The following AADACL3 variants were observed in gnomAD, a reference collection of about 807,000 sequenced individuals.
AADACL3 encodes the protein arylacetamide deacetylase like 3, also known as arylacetamide deacetylase-like 3.
AADACL3 carries 13 observed loss-of-function variants against 13.6 expected under a neutral mutation model. The observed-to-expected ratio is 0.95, with a 90% CI of 0.62 to 1.52. AADACL3 has a LOEUF of 1.52. Among genes scored for constraint, AADACL3 ranks in the 40% most tolerant of loss-of-function variants. AADACL3 has a pLI of 0.00. For synonymous variants in AADACL3, 195 were observed against 197.0 expected, an observed-to-expected ratio of 0.99 and a Z score of 0.08; for missense variants, 519 against 499.2, an observed-to-expected ratio of 1.04 and a Z score of -0.38.
rs781004606 is a variant in AADACL3 at position 12,725,274 on chromosome 1, G to T, written c.502G>T (p.Val168Leu). ...TCCAGTGCCAGTAAGAGACTGCTTG[G>T]TGGCCACCATCCACTTCCTGAAGTC... Reference protein sequence around the residue: ...KFPVPVRDCLVATIHFLKSLD... With the variant: ...KFPVPVRDCLLATIHFLKSLD... The change falls in exon 4 of 4, where the codon GTG becomes TTG. Residue 168 changes from valine to leucine, a missense_variant. Val to Leu is a conservative substitution (Grantham distance 32). Transcript: ENST00000359318. The T allele has an allele frequency of 5.0e-6, 8 of 1,613,488 alleles. No homozygotes were observed. In the African/African-American group the frequency reaches 5.3e-5, roughly 11 times the overall value.
chr1:12,716,610 T>C (rs1451812665), intron 1 of AADACL3, among the ~76,000 whole-genome samples: 1 of 152,230 alleles, frequency 6.6e-6, no homozygotes, highest in Non-Finnish European at 1.5e-5. Flanking sequence ...ACCAGTCTGG[T>C]TCTATTCACC....
At chr1:12,719,092 G>A (rs543277288) in intron 1 of AADACL3, among the ~76,000 whole-genome samples, 3 of 152,328 alleles carry the variant, frequency 2.0e-5, no homozygotes, top group African/African-American at 7.2e-5. Flanking sequence ...GATTGGCTGG[G>A]ACGGCACAGG....
At chr1:12,716,550 T>C (rs1031843066) in intron 1 of AADACL3, among the ~76,000 whole-genome samples, 1 of 152,198 alleles carries the variant, frequency 6.6e-6, no homozygotes, top group African/African-American at 2.4e-5. Flanking sequence ...CTGGCTAATA[T>C]TCACAAAATT....
chr1:12,723,844 C>T (rs868320088), intron 3 of AADACL3, among the ~76,000 whole-genome samples: 16 of 144,372 alleles, frequency 1.1e-4, no homozygotes, highest in Middle Eastern at 7.8e-3. Context: ...AGTGCAAGAG[C>T]GCGATCTCGG....
At chr1:12,724,482 C>A (rs541434897) in intron 3 of AADACL3, among the ~76,000 whole-genome samples, 2 of 152,010 alleles carry the variant, frequency 1.3e-5, no homozygotes, top group African/African-American at 4.8e-5. Context: ...TATTTGAGAC[C>A]CTGCTTTTTT....
chr1:12,725,522 C>A lies in AADACL3; in HGVS notation c.750C>A (p.Cys250Ter). The change falls in exon 4 of 4, where the codon TGC becomes TGA. Residue 250 changes from cysteine to a stop codon, truncating the protein, a stop_gained. Transcript: ENST00000359318. LOFTEE classifies it low-confidence loss of function (END_TRUNC). ...CACTGCTCACCTGGAGTTTCATCTG[C>A]TACTTTTTTTTTCAAAACCTGGATT... The part of the protein sequence containing the change: ...NIPLLTWSFI[C>*]YFFFQNLDFS... The A allele has an allele frequency of 1.9e-6, 3 of 1,614,160 alleles. No individual in the cohort carries two copies. The highest frequency in any genetic ancestry group is 2.2e-5 in the South Asian group (2 of 91,080).
chr1:12,723,972 C>A (rs369187099), intron 3 of AADACL3, among the ~76,000 whole-genome samples: 1 of 151,100 alleles, frequency 6.6e-6, no homozygotes, highest in Admixed American at 6.6e-5. Context: ...TTAGTAGAGA[C>A]GGGGTTTCTC....
In AADACL3 at chr1:12,726,158, C is replaced by G; in HGVS notation, c.*162C>G. Reference sequence around the variant, plus strand: ...AGGTTCTAGAACCACACAATGCATGCTCCTGATGTCCAGAGGACGTGGTAG... The same window carrying G: ...AGGTTCTAGAACCACACAATGCATGGTCCTGATGTCCAGAGGACGTGGTAG... On this transcript the variant is annotated 3_prime_UTR_variant, in exon 4 of 4. Coordinates refer to ENST00000359318, the MANE Select transcript of AADACL3 (RefSeq NM_001103170.3). 1.4e-6 allele frequency: 1 copy of G among 724,994 alleles called. No homozygotes were observed. The allele number at this position is 724,994 out of a possible 1,614,324, so 44.9% of individuals were successfully genotyped here. A position where few individuals can be genotyped will look rare whatever the true frequency, so the allele number is the denominator to read the frequency against.
intron 3 of AADACL3, among the ~76,000 whole-genome samples, chr1:12,723,470 T>G (rs963146801): frequency 6.6e-6 from 1 of 152,120 alleles, no homozygotes; most frequent in South Asian, 2.1e-4. Context: ...ATGATTATTG[T>G]AAACTTTATG....
At chr1:12,719,402 G>C (rs941571131) in intron 1 of AADACL3, 73 bp from the exon 2 acceptor site, 1 of 1,444,654 alleles carries the variant, frequency 6.9e-7, no homozygotes, top group African/African-American at 1.4e-5. Context: ...TGGAGGGCAG[G>C]TTGTGAAGGC....
chr1:12,719,661 C>T lies in AADACL3; in HGVS notation c.355C>T (p.His119Tyr). ...CCTGAAGCCTGGCATCGTGTACTACCACGGTGGCGGGGGCGTCATGGGGAG... is the reference window on the plus strand; with the variant it reads ...CCTGAAGCCTGGCATCGTGTACTACTACGGTGGCGGGGGCGTCATGGGGAG... ...CTLKPGIVYY[H>Y]GGGGVMGSLK... The change falls in exon 2 of 4, where the codon CAC (histidine) becomes TAC (tyrosine). Residue 119 changes from histidine to tyrosine, a missense_variant. Coordinates refer to ENST00000359318, the MANE Select transcript of AADACL3 (RefSeq NM_001103170.3). 1 of 1,614,128 alleles carries T rather than the reference C, an allele frequency of 6.2e-7. No homozygotes were observed. The highest frequency in any genetic ancestry group is 8.5e-7 in the Non-Finnish European group (1 of 1,180,010).
chr1:12,718,672 T>G (rs1344784620), intron 1 of AADACL3, among the ~76,000 whole-genome samples: 2 of 152,158 alleles, frequency 1.3e-5, no homozygotes, highest in African/African-American at 4.8e-5. Context: ...GGCTAATTTT[T>G]GTATTTTCAG....
In AADACL3 at chr1:12,720,951, G is replaced by A. The variant is rs369765539; in HGVS notation, c.449+5G>A. The A allele has an allele frequency of 3.7e-6, 6 of 1,604,934 alleles. No individual in the cohort carries two copies. In the African/African-American group the frequency reaches 4.0e-5, roughly 11 times the overall value. ...CTCCGTGGTTCTGGCAGTTGGGTGA[G>A]TAAAGGGGAGATCCCAGGGAGCCAG... On this transcript the variant is annotated splice_donor_5th_base_variant and intron_variant, in intron 3 of 3. Coordinates refer to ENST00000359318, the MANE Select transcript of AADACL3 (RefSeq NM_001103170.3).
At chr1:12,719,999 A>G (rs1648533608) in intron 2 of AADACL3, among the ~76,000 whole-genome samples, 1 of 152,250 alleles carries the variant, frequency 6.6e-6, no homozygotes, top group South Asian at 2.1e-4. Flanking sequence ...GTATGTACAT[A>G]TAAATGTATA....
At chr1:12,721,903 G>A (rs745748892) in intron 3 of AADACL3, among the ~76,000 whole-genome samples, 2 of 152,198 alleles carry the variant, frequency 1.3e-5, no homozygotes, top group African/African-American at 4.8e-5. Context: ...CATCACACAC[G>A]TGGTTCCTCC....
In AADACL3 at chr1:12,726,655, C is replaced by T. The variant is rs142754174; in HGVS notation, c.*659C>T. The stretch of plus-strand genomic sequence containing the variant: ...ATGAAGACAGCCTGCAGCTGCCCGA[C>T]TTGGGGAGCTCTGGAGCTCCTGGAA... On this transcript the variant is annotated 3_prime_UTR_variant, in exon 4 of 4. Coordinates refer to ENST00000359318, the MANE Select transcript of AADACL3 (RefSeq NM_001103170.3). 1 of 152,304 alleles carries T rather than the reference C, an allele frequency of 6.6e-6. No homozygotes were observed. Among genetic ancestry groups the T allele is most frequent in the East Asian group, 1.9e-4 (1 of 5,170 alleles). The allele number at this position is 152,304 out of a possible 1,614,324, so 9.4% of individuals were successfully genotyped here.
intron 3 of AADACL3, among the ~76,000 whole-genome samples, chr1:12,723,261 T>A (rs1422128803): frequency 4.6e-5 from 7 of 151,942 alleles, no homozygotes; most frequent in Admixed American, 2.6e-4. Flanking sequence ...TTAAAAAAAA[T>A]AATAATTATT....
chr1:12,724,250 C>T (rs927168028), intron 3 of AADACL3, among the ~76,000 whole-genome samples: 1 of 152,140 alleles, frequency 6.6e-6, no homozygotes, highest in Non-Finnish European at 1.5e-5. Context: ...GCAGGGCACA[C>T]TCACACCTAC....
intron 3 of AADACL3, among the ~76,000 whole-genome samples, chr1:12,723,244 T>TA (rs1194017097): frequency 6.6e-6 from 1 of 151,728 alleles, no homozygotes; most frequent in African/African-American, 2.4e-5. Context: ...CATATATTTT[T>TA]AAAAGATTAA....
Sources: allele counts gnomAD v4.1 joint callset (sites outside exome capture counted in the v4.1 genomes callset), GRCh38; gene constraint gnomAD v4.1.1; transcripts MANE v1.5; gene names NCBI Gene and HGNC (gene_info 2026-07-23, HGNC 2026-07-21).